Variants in DCAF11 observed in about 807,000 individuals in gnomAD.
The protein encoded by DCAF11 is DDB1 and CUL4 associated factor 11, also known as DDB1- and CUL4-associated factor 11.
DCAF11 carries 44 observed loss-of-function variants against 76.1 expected under a neutral mutation model. The ratio of observed to expected loss-of-function variants is 0.58; its 90% CI spans 0.45 to 0.74. The LOEUF is 0.74. DCAF11 is among the 30% of genes least tolerant of loss of function. The pLI, the probability that DCAF11 is intolerant of heterozygous loss-of-function variation, is 0.00. For missense variants in DCAF11, 604 were observed against 709.4 expected, an observed-to-expected ratio of 0.85 and a Z score of 1.69; for synonymous variants, 258 against 255.0, an observed-to-expected ratio of 1.01 and a Z score of -0.11.
chr14:24,117,609 A>C lies in DCAF11; in HGVS notation c.412-59A>C. ...CAATATCTTTGGAGGAGGGGGCTTG[A>C]TATGGCTGAAGTGGCCCTCTATTTC... is the stretch of plus-strand genomic sequence containing the variant. On this transcript the variant is annotated intron_variant, in intron 4 of 14. Transcript: ENST00000446197. The surrounding 1 kb of genome is among the most constrained non-coding windows in gnomAD (Gnocchi z 4.3). The C allele has an allele frequency of 6.3e-7, 1 of 1,586,764 alleles. No homozygotes were observed. The highest frequency in any genetic ancestry group is 1.3e-5 in the African/African-American group (1 of 74,330).
At position 24,118,390 on chromosome 14, in the gene DCAF11, C is replaced by T; in HGVS notation, c.580C>T (p.Gln194Ter). The T allele has an allele frequency of 6.2e-7, 1 of 1,614,148 alleles. No homozygotes were observed. The highest frequency in any genetic ancestry group is 8.5e-7 in the Non-Finnish European group (1 of 1,180,010). ...GQIFMSACQD[Q>*]TIRLYDCRYG... Reference sequence around the variant, plus strand: ...CTGCCTGATCTTTACTTACACAGACCAGACAATCCGACTCTATGACTGCCG... The same window carrying T: ...CTGCCTGATCTTTACTTACACAGACTAGACAATCCGACTCTATGACTGCCG... Residue 194 changes from glutamine (Q) to a stop codon, truncating the protein, a stop_gained and splice_region_variant, in exon 7 of 15, where the codon CAG becomes TAG. Transcript: ENST00000446197. LOFTEE classifies it high-confidence loss of function.
At chr14:24,119,528 C>T in intron 9 of DCAF11, 31 bp from the exon 10 acceptor site, 1 of 1,613,800 alleles carries the variant, frequency 6.2e-7, no homozygotes, top group Middle Eastern at 1.6e-4. Context: ...GATCATGGCT[C>T]CAGGACCCTC....
rs1286668098 is a variant in DCAF11 at position 24,115,738 on chromosome 14, T to C, written c.144T>C (p.Tyr48=). The change falls in exon 2 of 15, where the codon TAT becomes TAC. Residue 48 remains tyrosine, a synonymous_variant. Coordinates refer to ENST00000446197, the MANE Select transcript of DCAF11 (RefSeq NM_025230.5). ...TGGATCTGGCCCAGGTACTGGCCTA[T>C]CTCCTCCGCAGGTAACTTACCCTCT... ...EDVDLAQVLA[Y]LLRRGQVRLV... The C allele has an allele frequency of 6.2e-7, 1 of 1,612,798 alleles. No homozygotes were observed. The highest frequency in any genetic ancestry group is 1.7e-5 in the Admixed American group (1 of 59,846).
At chr14:24,115,325 C>A (rs986486657) in intron 1 of DCAF11, 32 bp downstream of exon 1, 1 of 324,848 alleles carries the variant, frequency 3.1e-6, no homozygotes, top group Non-Finnish European at 5.5e-6. Context: ...AATCTTTCTT[C>A]AGTTGGTGAG....
rs1191969955 is a variant in DCAF11, at chr14:24,117,586, A to G, written c.412-82A>G. On this transcript the variant is annotated intron_variant, in intron 4 of 14. Transcript: ENST00000446197. The surrounding 1 kb of genome is among the most constrained non-coding windows in gnomAD (Gnocchi z 4.3). ...TGTGTCCATTTCTATAACAAGAGCAATATCTTTGGAGGAGGGGGCTTGATA... is the reference window on the plus strand; with the variant it reads ...TGTGTCCATTTCTATAACAAGAGCAGTATCTTTGGAGGAGGGGGCTTGATA... The G allele has an allele frequency of 1.3e-6, 2 of 1,551,504 alleles. No homozygotes were observed. The highest frequency in any genetic ancestry group is 1.8e-6 in the Non-Finnish European group (2 of 1,129,620).
chr14:24,118,425 T>C lies in DCAF11; in HGVS notation c.615T>C (p.Arg205=). ...TIRLYDCRYG[R]FRKFKSIKAR... ...GACTCTATGACTGCCGATATGGCCG[T>C]TTCCGTAAATTCAAGAGCATCAAGG... The change falls in exon 7 of 15, where the codon CGT becomes CGC. Residue 205 remains arginine, a synonymous_variant. Transcript: ENST00000446197. 1 of 1,614,168 alleles carries C rather than the reference T, an allele frequency of 6.2e-7. No homozygotes were observed. Among genetic ancestry groups the C allele is most frequent in the African/African-American group, 1.3e-5 (1 of 75,038 alleles).
intron 13 of DCAF11, 139 bp downstream of exon 13, chr14:24,121,656 C>A: frequency 3.3e-6 from 3 of 897,346 alleles, no homozygotes; most frequent in Non-Finnish European, 4.9e-6. Context: ...GAGGCTTAAA[C>A]AGAGAAATAG....
intron 8 of DCAF11, 26 bp downstream of exon 8, chr14:24,118,830 C>G: frequency 1.2e-6 from 2 of 1,613,076 alleles, no homozygotes; most frequent in Non-Finnish European, 1.7e-6. Flanking sequence ...TCTGGTCAGA[C>G]TCATCAGAAA....
chr14:24,114,809 C>A lies in DCAF11; in HGVS notation c.-698C>A. 1 of 985,958 alleles carries A rather than the reference C, an allele frequency of 1.0e-6. No homozygotes were observed. Among genetic ancestry groups the A allele is most frequent in the Non-Finnish European group, 1.2e-6 (1 of 829,960 alleles). 61.1% of individuals were successfully genotyped at this position (985,958 alleles called of 1,614,324 possible). ...GTTTGCAGCCCGCCGGCCAGGAAGC[C>A]GCGAGATGCGTGACGAGCGAAGCGC... On this transcript the variant is annotated 5_prime_UTR_variant, in exon 1 of 15. Transcript: ENST00000446197.
rs1258420901 is a variant in DCAF11, at chr14:24,119,904, A to G, written c.1092+8A>G. The G allele has an allele frequency of 1.2e-6, 2 of 1,606,766 alleles. No individual in the cohort carries two copies. The highest frequency in any genetic ancestry group is 8.5e-7 in the Non-Finnish European group (1 of 1,176,346). On this transcript the variant is annotated splice_region_variant and intron_variant, in intron 11 of 14. Coordinates refer to ENST00000446197, the MANE Select transcript of DCAF11 (RefSeq NM_025230.5). Reference sequence around the variant, plus strand: ...ACCTTCATTGACAGCAAGGTGGGCCAGAAGTCAGGACTGTACAGCCAGGCC... The same window carrying G: ...ACCTTCATTGACAGCAAGGTGGGCCGGAAGTCAGGACTGTACAGCCAGGCC...
chr14:24,119,303 C>A, intron 9 of DCAF11, 90 bp downstream of exon 9: 1 of 1,514,288 alleles, frequency 6.6e-7, no homozygotes. Context: ...GCACTGGCAG[C>A]TGCAGAGAAC....
chr14:24,123,160 C>T lies in DCAF11; in HGVS notation c.1507-15C>T, dbSNP rs546440267. On this transcript the variant is annotated splice_polypyrimidine_tract_variant and intron_variant, in intron 14 of 14. Coordinates refer to ENST00000446197, the MANE Select transcript of DCAF11 (RefSeq NM_025230.5). ...GGCAGCACATCCTGACTGCTTGCCA[C>T]CCTCTGCCCTGCAGTGGGACGGGAA... 5.6e-6 allele frequency: 9 copies of T among 1,613,736 alleles called. No individual in the cohort carries two copies. The Admixed American group carries it at 8.3e-5, about 15-fold the overall frequency.
At chr14:24,123,129 G>T (rs529812877) in intron 14 of DCAF11, 46 bp from the exon 15 acceptor site, 2 of 1,614,094 alleles carry the variant, frequency 1.2e-6, no homozygotes, top group African/African-American at 2.7e-5. Context: ...CTTGGACTTG[G>T]GTGGGGGCAG....
At position 24,118,428 on chromosome 14, in the gene DCAF11, C is replaced by A; in HGVS notation, c.618C>A (p.Phe206Leu). ...IRLYDCRYGRFRKFKSIKARD... is the reference protein window; with the variant it reads ...IRLYDCRYGRLRKFKSIKARD... ...TCTATGACTGCCGATATGGCCGTTTCCGTAAATTCAAGAGCATCAAGGCCC... is the reference window on the plus strand; with the variant it reads ...TCTATGACTGCCGATATGGCCGTTTACGTAAATTCAAGAGCATCAAGGCCC... Residue 206 changes from phenylalanine (F) to leucine (L), a missense_variant, in exon 7 of 15, where the codon TTC becomes TTA. By Grantham distance (22) the Phe-to-Leu change is conservative (BLOSUM62 0). Transcript: ENST00000446197. 1 of 1,614,232 alleles carries A rather than the reference C, an allele frequency of 6.2e-7. No individual in the cohort carries two copies. The highest frequency in any genetic ancestry group is 8.5e-7 in the Non-Finnish European group (1 of 1,180,048).
chr14:24,117,790 C>T lies in DCAF11; in HGVS notation c.476+58C>T, dbSNP rs1370481888. The T allele has an allele frequency of 1.3e-6, 2 of 1,557,332 alleles. No homozygotes were observed. The highest frequency in any genetic ancestry group is 2.7e-5 in the African/African-American group (2 of 73,332). ...GGCCAGATAGGTCTTATCTCCTAAA[C>T]TTTGAAGGGGTAGGTGTTAAAGGAG... On this transcript the variant is annotated intron_variant, in intron 5 of 14. Transcript: ENST00000446197. The surrounding 1 kb of genome is among the most constrained non-coding windows in gnomAD (Gnocchi z 4.3).
chr14:24,120,192 T>G (rs2037663969), intron 11 of DCAF11, among the ~76,000 whole-genome samples: 1 of 151,396 alleles, frequency 6.6e-6, no homozygotes, highest in Admixed American at 6.6e-5. Flanking sequence ...TCACTTGAGC[T>G]CAGGCGTTCC....
In DCAF11 at chr14:24,124,278, T is replaced by G. The variant is rs1408106618; in HGVS notation, c.*969T>G. On this transcript the variant is annotated 3_prime_UTR_variant, in exon 15 of 15. Coordinates refer to ENST00000446197, the MANE Select transcript of DCAF11 (RefSeq NM_025230.5). ...GATATCGAGAGAGCACACTTTCCAT[T>G]AGAGCCTGGTAATACCCATATCACC... is the stretch of plus-strand genomic sequence containing the variant. 1 of 152,270 alleles carries G rather than the reference T, an allele frequency of 6.6e-6. No homozygotes were observed. Among genetic ancestry groups the G allele is most frequent in the Non-Finnish European group, 1.5e-5 (1 of 68,050 alleles). 9.4% of individuals were successfully genotyped at this position (152,270 alleles called of 1,614,324 possible).
Position 24,119,630 on chromosome 14 carries a change from G to C in DCAF11, c.906+14G>C. 6.2e-7 allele frequency: 1 copy of C among 1,614,202 alleles called. No individual in the cohort carries two copies. The highest frequency in any genetic ancestry group is 8.5e-7 in the Non-Finnish European group (1 of 1,180,032). The stretch of plus-strand genomic sequence containing the variant: ...CGCACCCTTCAGGTATGGCTCCTGA[G>C]ATAGAGCCTCTGCCTCCTGGTTTTT... On this transcript the variant is annotated intron_variant, in intron 10 of 14. Coordinates refer to ENST00000446197, the MANE Select transcript of DCAF11 (RefSeq NM_025230.5).
intron 13 of DCAF11, among the ~76,000 whole-genome samples, chr14:24,122,589 C>T (rs1032686215): frequency 3.3e-5 from 5 of 152,084 alleles, no homozygotes; most frequent in African/African-American, 4.8e-5. Context: ...CACTCACAGT[C>T]CCATGACAAA....
Sources: allele counts gnomAD v4.1 joint callset (sites outside exome capture counted in the v4.1 genomes callset), GRCh38; gene constraint gnomAD v4.1.1; non-coding constraint Gnocchi (gnomAD v3.1); transcripts MANE v1.5; gene names NCBI Gene and HGNC (gene_info 2026-07-23, HGNC 2026-07-21).